GTF2F2: variants seen among roughly 807,000 people sequenced by gnomAD.
The protein encoded by GTF2F2 is general transcription factor IIF subunit 2.
A neutral mutation model predicts 42.2 loss-of-function variants in GTF2F2; 23 were observed. The observed-to-expected ratio is 0.55, with a 90% CI of 0.39 to 0.77. The LOEUF is 0.77. GTF2F2 is among the 30% of genes least tolerant of loss of function. The pLI, the probability that GTF2F2 is intolerant of heterozygous loss-of-function variation, is 0.00. For synonymous variants in GTF2F2, 105 were observed against 100.8 expected (o/e 1.04, Z -0.25); for missense variants, 261 against 287.2 (o/e 0.91, Z 0.66).
At chr13:45,277,294 T>G (rs1422815558) in intron 7 of GTF2F2, among the ~76,000 whole-genome samples, 4 of 152,196 alleles carry the variant, frequency 2.6e-5, no homozygotes, top group African/African-American at 9.6e-5. Context: ...GGAAGTATGA[T>G]GCTGGCATCT....
chr13:45,278,211 C>G (rs1877112005), intron 7 of GTF2F2, among the ~76,000 whole-genome samples: 1 of 152,130 alleles, frequency 6.6e-6, no homozygotes, highest in African/African-American at 2.4e-5. Flanking sequence ...ATAGGTTTGT[C>G]TCAGTCTTGG....
intron 1 of GTF2F2, among the ~76,000 whole-genome samples, chr13:45,124,756 G>C (rs1566106575): frequency 1.3e-5 from 2 of 151,994 alleles, no homozygotes; most frequent in African/African-American, 4.8e-5. Context: ...AGTAGAGATG[G>C]GGTTTCACCA....
intron 4 of GTF2F2, among the ~76,000 whole-genome samples, chr13:45,163,987 C>G (rs1211366394): frequency 1.3e-5 from 2 of 152,154 alleles, no homozygotes; most frequent in Non-Finnish European, 2.9e-5. Context: ...AACCCCGTCT[C>G]TACTGAAAAT....
chr13:45,163,619 T>A (rs1436433806), intron 4 of GTF2F2, among the ~76,000 whole-genome samples: 1 of 152,222 alleles, frequency 6.6e-6, no homozygotes, highest in Non-Finnish European at 1.5e-5. Flanking sequence ...AATACTTTAA[T>A]TTTAAAAATT....
chr13:45,200,144 A>G (rs917816818), intron 4 of GTF2F2, among the ~76,000 whole-genome samples: 3 of 152,082 alleles, frequency 2.0e-5, no homozygotes, highest in Non-Finnish European at 4.4e-5. Context: ...ATAGCATCTT[A>G]TAGTTGATGA....
At chr13:45,190,968 G>C (rs1872593700) in intron 4 of GTF2F2, among the ~76,000 whole-genome samples, 1 of 150,540 alleles carries the variant, frequency 6.6e-6, no homozygotes, top group African/African-American at 2.4e-5. Flanking sequence ...TGAATAAGCT[G>C]ATTCAGTAAC....
In GTF2F2 at chr13:45,120,610, C is replaced by T. The variant is rs1432268679; in HGVS notation, c.-46C>T. 6.8e-7 allele frequency: 1 copy of T among 1,466,080 alleles called. No individual in the cohort carries two copies. The highest frequency in any genetic ancestry group is 2.0e-5 in the Admixed American group (1 of 50,754). 90.8% of individuals were successfully genotyped at this position (1,466,080 alleles called of 1,614,324 possible). On this transcript the variant is annotated 5_prime_UTR_variant, in exon 1 of 8. Coordinates refer to ENST00000340473, the MANE Select transcript of GTF2F2 (RefSeq NM_004128.3). ...CGCCCGCTCCTCAGCCCTGCGGCTC[C>T]TGGGGTCGCTGCTGCATCCCGCACG... is the stretch of plus-strand genomic sequence containing the variant.
At chr13:45,259,646 ACT>A (rs1593522942) in intron 6 of GTF2F2, among the ~76,000 whole-genome samples, 1 of 127,858 alleles carries the variant, frequency 7.8e-6, no homozygotes, top group East Asian at 2.4e-4. Flanking sequence ...CAAACCTAGA[ACT>A]TTTTTTTTTT....
chr13:45,229,218 TTCTC>T (rs1356961185), intron 5 of GTF2F2, among the ~76,000 whole-genome samples: 1 of 152,070 alleles, frequency 6.6e-6, no homozygotes, highest in Admixed American at 6.6e-5. Context: ...CTCCCTCTTT[TTCTC>T]TCTCACTGTC....
chr13:45,214,193 A>G (rs1873802533), intron 5 of GTF2F2, among the ~76,000 whole-genome samples: 1 of 152,208 alleles, frequency 6.6e-6, no homozygotes, highest in Non-Finnish European at 1.5e-5. Flanking sequence ...AATTTTAGTA[A>G]TTCTTACAGC....
At chr13:45,125,425 T>G (rs1026697130) in intron 1 of GTF2F2, among the ~76,000 whole-genome samples, 29 of 152,186 alleles carry the variant, frequency 1.9e-4, no homozygotes, top group African/African-American at 7.0e-4. Flanking sequence ...GTTCAAGCGA[T>G]TCTCCTGCCT....
chr13:45,214,743 CTT>C (rs894346680), intron 5 of GTF2F2, among the ~76,000 whole-genome samples: 1 of 151,988 alleles, frequency 6.6e-6, no homozygotes, highest in African/African-American at 2.4e-5. Context: ...GCCTCTTGAG[CTT>C]TTCCCTAGTC....
intron 2 of GTF2F2, among the ~76,000 whole-genome samples, chr13:45,149,118 C>T (rs1870349886): frequency 6.6e-6 from 1 of 151,862 alleles, no homozygotes; most frequent in Non-Finnish European, 1.5e-5. Flanking sequence ...TAACATGCTA[C>T]TGAATGCCAA....
At chr13:45,265,484 A>G (rs760027383) in intron 6 of GTF2F2, among the ~76,000 whole-genome samples, 3 of 152,152 alleles carry the variant, frequency 2.0e-5, no homozygotes, top group Admixed American at 6.5e-5. Flanking sequence ...TCTTAGCGCA[A>G]TGCCTAGCAT....
chr13:45,200,772 G>A (rs899427762), intron 4 of GTF2F2, among the ~76,000 whole-genome samples: 6 of 152,316 alleles, frequency 3.9e-5, no homozygotes, highest in South Asian at 2.1e-4. Flanking sequence ...TTTTAAATGA[G>A]AAGAAAGGAG....
At chr13:45,121,372 G>A (rs557963299) in intron 1 of GTF2F2, among the ~76,000 whole-genome samples, 1 of 152,186 alleles carries the variant, frequency 6.6e-6, no homozygotes, top group African/African-American at 2.4e-5. Flanking sequence ...ATTGGGGAGT[G>A]TTTTCTCCTA....
intron 4 of GTF2F2, among the ~76,000 whole-genome samples, chr13:45,154,399 C>T (rs1178531322): frequency 2.0e-5 from 3 of 152,126 alleles, no homozygotes; most frequent in Admixed American, 6.5e-5. Context: ...TTTCTGGCTA[C>T]AGTGTTCTCT....
intron 7 of GTF2F2, among the ~76,000 whole-genome samples, chr13:45,275,242 C>T (rs750757280): frequency 2.0e-5 from 3 of 152,086 alleles, no homozygotes; most frequent in Non-Finnish European, 4.4e-5. Flanking sequence ...AGATTGGCTC[C>T]AGGACCTTCT....
intron 7 of GTF2F2, among the ~76,000 whole-genome samples, chr13:45,274,005 G>C (rs1243516805): frequency 6.6e-6 from 1 of 152,034 alleles, no homozygotes; most frequent in Non-Finnish European, 1.5e-5. Context: ...ATCGGTGTTC[G>C]AAGCCTCCCA....
Sources: allele counts gnomAD v4.1 joint callset (sites outside exome capture counted in the v4.1 genomes callset), GRCh38; gene constraint gnomAD v4.1.1; transcripts MANE v1.5; gene names NCBI Gene and HGNC (gene_info 2026-07-23, HGNC 2026-07-21).